Variants in RBFOX1 observed in about 807,000 individuals in gnomAD.
RBFOX1 encodes RNA binding protein fox-1 homolog 1.
Under a neutral mutation model 57.7 loss-of-function variants are expected in RBFOX1, and 8 were observed. The ratio of observed to expected loss-of-function variants is 0.14; its 90% confidence interval spans 0.08 to 0.25. The LOEUF is 0.25. Ranked by LOEUF, RBFOX1 falls within the 10% of genes least tolerant of loss-of-function variation. The pLI, the probability that RBFOX1 is intolerant of heterozygous loss-of-function variation, is 1.00. For missense variants in RBFOX1, 611 were observed against 548.5 expected, an observed-to-expected ratio of 1.11 and a Z score of -1.14; for synonymous variants, 326 against 222.4, an observed-to-expected ratio of 1.47 and a Z score of -4.15.
intron 4 of RBFOX1, among the ~76,000 whole-genome samples, chr16:7,470,102 A>G (rs1201300899): frequency 6.6e-6 from 1 of 151,402 alleles, no homozygotes; most frequent in East Asian, 1.9e-4. Flanking sequence ...GTCAATGGAC[A>G]TTTAGGTTGT....
chr16:7,114,959 G>T lies in RBFOX1; in HGVS notation c.27+62861G>T, dbSNP rs191025872. On this transcript the variant is annotated intron_variant, in intron 4 of 15. Transcript: ENST00000550418. The stretch of plus-strand genomic sequence containing the variant: ...CTTAGCTGTGAAGCCTCTGCTTTTA[G>T]GAACTGGAGAAGTGATTTGAGGGTG... 2.0e-4 allele frequency among the ~76,000 whole-genome samples: 31 copies of T among 152,248 alleles called. No individual in the cohort carries two copies. The East Asian group carries it at 6.0e-3, about 29-fold the overall frequency.
intron 10 of RBFOX1, among the ~76,000 whole-genome samples, chr16:7,619,368 G>C (rs544025848): frequency 9.3e-4 from 142 of 152,242 alleles, no homozygotes; most frequent in African/African-American, 3.4e-3. Context: ...GCAGGGGAAG[G>C]GGCAGTGTGT....
chr16:6,600,164 A>T, intron 2 of RBFOX1, among the ~76,000 whole-genome samples: 1 of 152,116 alleles, frequency 6.6e-6, no homozygotes, highest in Non-Finnish European at 1.5e-5. Context: ...ACAGAATCAG[A>T]TTATTATTAC....
At chr16:6,822,853 C>G (rs1180967211) in intron 3 of RBFOX1, among the ~76,000 whole-genome samples, 1 of 152,150 alleles carries the variant, frequency 6.6e-6, no homozygotes, top group Admixed American at 6.5e-5. Flanking sequence ...CTCTTTGTGC[C>G]TTAAAATGCC....
At chr16:7,422,589 C>T (rs2098553099) in intron 4 of RBFOX1, among the ~76,000 whole-genome samples, 1 of 152,128 alleles carries the variant, frequency 6.6e-6, no homozygotes, top group African/African-American at 2.4e-5. Context: ...CCGGATGGAG[C>T]AGTGCCTTAC....
At chr16:7,277,942 G>C (rs1425621960) in intron 4 of RBFOX1, among the ~76,000 whole-genome samples, 2 of 109,522 alleles carry the variant, frequency 1.8e-5, no homozygotes, top group Non-Finnish European at 4.1e-5. Context: ...AGGAGAAAAT[G>C]ATTAGCAAAA....
intron 4 of RBFOX1, among the ~76,000 whole-genome samples, chr16:5,938,631 A>G (rs942955886): frequency 9.2e-5 from 14 of 152,274 alleles, no homozygotes; most frequent in Middle Eastern, 3.4e-3. Flanking sequence ...AATAGGATGC[A>G]ACAGACCTGA....
chr16:7,207,018 C>T (rs1033874429), intron 4 of RBFOX1, among the ~76,000 whole-genome samples: 6 of 152,172 alleles, frequency 3.9e-5, no homozygotes, highest in African/African-American at 1.4e-4. Context: ...CAGTGCAATG[C>T]CATGCTTCAT....
rs948450730 is a variant in RBFOX1 at position 6,454,889 on chromosome 16, T to G, written c.-64+137832T>G. ...TTTTTTTTTTTTTTTTTTTTTTTTT[T>G]TTTTTTTTTTTTGAGTTGGCGTCTC... On this transcript the variant is annotated intron_variant, in intron 2 of 15. Transcript: ENST00000550418. Among the ~76,000 whole-genome samples the G allele has an allele frequency of 1.2e-3, 56 of 46,382 alleles. 6 individuals carry two copies. Among genetic ancestry groups the G allele is most frequent in the Non-Finnish European group, 1.5e-3 (32 of 21,568 alleles). 30.4% of individuals were successfully genotyped at this position (46,382 alleles called of 152,430 possible).
At chr16:6,310,085 AC>A (rs1478253024) in intron 1 of RBFOX1, among the ~76,000 whole-genome samples, 1 of 152,094 alleles carries the variant, frequency 6.6e-6, no homozygotes, top group African/African-American at 2.4e-5. Flanking sequence ...ATGGGGTTTC[AC>A]CATATTGGTC....
At chr16:6,804,312 C>G (rs570301780) in intron 3 of RBFOX1, among the ~76,000 whole-genome samples, 27 of 152,188 alleles carry the variant, frequency 1.8e-4, no homozygotes, top group Middle Eastern at 3.4e-3. Flanking sequence ...CCTGCCAATA[C>G]ATACAAATTT....
intron 1 of RBFOX1, among the ~76,000 whole-genome samples, chr16:5,317,195 TTCTCTCTCTC>T (rs369981628): frequency 3.3e-5 from 5 of 150,518 alleles, no homozygotes; most frequent in African/African-American, 1.2e-4. Context: ...AAATCCTTTC[TTCTCTCTCTC>T]TCTCTCTCAA....
At chr16:7,507,482 A>G (rs559121873) in intron 4 of RBFOX1, among the ~76,000 whole-genome samples, 29 of 151,914 alleles carry the variant, frequency 1.9e-4, no homozygotes, top group African/African-American at 6.5e-4. Context: ...GACAGTGCCC[A>G]TCCCTGGATC....
chr16:6,928,938 C>T (rs368429971), intron 3 of RBFOX1, among the ~76,000 whole-genome samples: 1 of 152,066 alleles, frequency 6.6e-6, no homozygotes, highest in African/African-American at 2.4e-5. Flanking sequence ...TTCAAGTCCC[C>T]AAAGCAGATG....
chr16:6,784,290 A>G (rs1340859001), intron 3 of RBFOX1, among the ~76,000 whole-genome samples: 1 of 151,958 alleles, frequency 6.6e-6, no homozygotes, highest in Non-Finnish European at 1.5e-5. Flanking sequence ...TATTACAGGC[A>G]TCTTTTGTTC....
chr16:6,717,784 A>G (rs2065127312), intron 3 of RBFOX1, among the ~76,000 whole-genome samples: 1 of 152,140 alleles, frequency 6.6e-6, no homozygotes, highest in East Asian at 1.9e-4. Flanking sequence ...AATTCTCAAC[A>G]TGGACCCAGC....
chr16:5,769,356 T>G (rs1280105048), intron 3 of RBFOX1, among the ~76,000 whole-genome samples: 2 of 151,690 alleles, frequency 1.3e-5, no homozygotes, highest in Non-Finnish European at 2.9e-5. Flanking sequence ...GAGGAGAAAT[T>G]TGGGCTGGGT....
intron 1 of RBFOX1, among the ~76,000 whole-genome samples, chr16:5,400,969 A>G (rs484778): frequency 0.027 from 4,157 of 152,248 alleles, 196 homozygotes; most frequent in African/African-American, 0.095. Flanking sequence ...TTATATATCA[A>G]AGAAGTTACT....
intron 1 of RBFOX1, among the ~76,000 whole-genome samples, chr16:5,348,992 A>G (rs773467251): frequency 6.6e-5 from 10 of 152,208 alleles, no homozygotes; most frequent in Non-Finnish European, 1.2e-4. Context: ...AGAAACGTCC[A>G]TCTTGTTTTC....
Sources: allele counts gnomAD v4.1 joint callset (sites outside exome capture counted in the v4.1 genomes callset), GRCh38; gene constraint gnomAD v4.1.1; transcripts MANE v1.5; gene names NCBI Gene and HGNC (gene_info 2026-07-23, HGNC 2026-07-21).